Variants in CNBD1 observed in about 807,000 individuals in gnomAD.
CNBD1 encodes the protein cyclic nucleotide binding domain containing 1, also known as cyclic nucleotide-binding domain-containing protein 1.
CNBD1 carries 71 observed loss-of-function variants against 54.4 expected under a neutral mutation model. That is an observed-to-expected ratio of 1.30 (90% CI 1.08 to 1.59). CNBD1 has a LOEUF of 1.59. Among genes scored for constraint, CNBD1 ranks in the 40% most tolerant of loss-of-function variants. CNBD1 has a pLI of 0.00. For missense variants in CNBD1, 659 were observed against 518.0 expected (o/e 1.27, Z -2.64); for synonymous variants, 182 against 170.7 (o/e 1.07, Z -0.51).
At chr8:86,906,027 G>C (rs16894925) in intron 3 of CNBD1, among the ~76,000 whole-genome samples, 3,313 of 152,242 alleles carry the variant, frequency 0.022, 122 homozygotes, top group African/African-American at 0.076. Flanking sequence ...TATTTTGCTT[G>C]TGTGTTTGCT....
intron 4 of CNBD1, among the ~76,000 whole-genome samples, chr8:86,954,795 C>A (rs2130454973): frequency 6.6e-6 from 1 of 152,282 alleles, no homozygotes; most frequent in Non-Finnish European, 1.5e-5. Flanking sequence ...TGTCCCCAGG[C>A]CTTACCAAAC....
chr8:86,891,624 T>C (rs1167490868), intron 2 of CNBD1, among the ~76,000 whole-genome samples: 1 of 152,070 alleles, frequency 6.6e-6, no homozygotes, highest in African/African-American at 2.4e-5. Flanking sequence ...TTTGTGAAGA[T>C]GACATTGGAA....
chr8:86,916,165 C>T (rs1809181509), intron 3 of CNBD1, among the ~76,000 whole-genome samples: 1 of 152,066 alleles, frequency 6.6e-6, no homozygotes, highest in Non-Finnish European at 1.5e-5. Flanking sequence ...CTTGTCTCCT[C>T]AGGAGAGAGA....
At chr8:87,289,680 G>A (rs1389823551) in intron 8 of CNBD1, among the ~76,000 whole-genome samples, 1 of 152,116 alleles carries the variant, frequency 6.6e-6, no homozygotes, top group East Asian at 1.9e-4. Flanking sequence ...GATAAAGTAT[G>A]TGAAAATCAT....
intron 8 of CNBD1, among the ~76,000 whole-genome samples, chr8:87,307,303 G>A (rs569072714): frequency 2.0e-4 from 31 of 152,330 alleles, no homozygotes; most frequent in African/African-American, 7.0e-4. Context: ...TGACGTACAT[G>A]AGGATATTAA....
chr8:87,351,790 A>C lies in CNBD1; in HGVS notation c.1148A>C (p.Lys383Thr), dbSNP rs781251594. The change falls in exon 9 of 11, where the codon AAA becomes ACA. Residue 383 changes from lysine (K) to threonine (T), a missense_variant. Coordinates refer to ENST00000518476, the MANE Select transcript of CNBD1 (RefSeq NM_173538.3). ...GGATTTGTGAAACTACGATCAAATA[A>C]AGTGGTAAGTTTTCAACATGTATTC... ...IIGFVKLRSN[K>T]VKRSQKLVYM... is the part of the protein sequence containing the mutation. The C allele has an allele frequency of 1.3e-6, 2 of 1,488,414 alleles. No individual in the cohort carries two copies. The highest frequency in any genetic ancestry group is 1.4e-5 in the South Asian group (1 of 71,882). The allele number at this position is 1,488,414 out of a possible 1,614,324, so 92.2% of individuals were successfully genotyped here.
At chr8:87,353,523 A>C in intron 9 of CNBD1, 113 bp from the exon 10 acceptor site, 1 of 657,426 alleles carries the variant, frequency 1.5e-6, no homozygotes, top group South Asian at 2.5e-5. Context: ...TTGCTAATTT[A>C]TTTTAAATAT....
intron 10 of CNBD1, among the ~76,000 whole-genome samples, chr8:87,372,041 T>C (rs976919048): frequency 9.9e-5 from 15 of 152,076 alleles, no homozygotes; most frequent in African/African-American, 3.1e-4. Flanking sequence ...AAAGAGGAAG[T>C]CAAATTGTCC....
intron 2 of CNBD1, among the ~76,000 whole-genome samples, chr8:87,411,402 A>ATATATATATATATATATATG (rs1554588032): frequency 7.8e-6 from 1 of 127,694 alleles, no homozygotes; most frequent in Non-Finnish European, 1.6e-5. Context: ...TATATCATAT[A>ATATATATATATATATATATG]TATATATATA....
At chr8:86,962,292 C>CT (rs1807950858) in intron 4 of CNBD1, among the ~76,000 whole-genome samples, 2 of 152,118 alleles carry the variant, frequency 1.3e-5, no homozygotes, top group South Asian at 4.1e-4. Context: ...ACATACAGGC[C>CT]TTTTAAATAT....
chr8:87,427,204 A>G (rs185154074), intron 2 of CNBD1, among the ~76,000 whole-genome samples: 41 of 152,218 alleles, frequency 2.7e-4, no homozygotes, highest in African/African-American at 8.9e-4. Flanking sequence ...CTGCTACATT[A>G]TCTTGTATGT....
intron 4 of CNBD1, among the ~76,000 whole-genome samples, chr8:87,026,179 A>T (rs1809640824): frequency 6.6e-6 from 1 of 152,318 alleles, no homozygotes; most frequent in East Asian, 1.9e-4. Context: ...AAAGAGATCT[A>T]CCTATACTGT....
At chr8:86,969,789 T>TACAC (rs777810367) in intron 4 of CNBD1, among the ~76,000 whole-genome samples, 37 of 36,934 alleles carry the variant, frequency 1.0e-3, no homozygotes, top group African/African-American at 1.1e-3. Flanking sequence ...TTTATATATA[T>TACAC]ATATACACAC....
Position 87,289,785 on chromosome 8 carries a change from A to AT in CNBD1, c.1042+3120dup, listed in dbSNP as rs1201001045. 3.9e-5 allele frequency among the ~76,000 whole-genome samples: 6 copies of AT among 152,152 alleles called. No homozygotes were observed. In the South Asian group the frequency reaches 1.0e-3, roughly 26 times the overall value. ...AATACATAGGCTCTACATCCCTTCA[A>AT]TTTTTTGACATCAATCTCTTCCAGT... is the stretch of plus-strand genomic sequence containing the variant. On this transcript the variant is annotated intron_variant, in intron 8 of 10. Coordinates refer to ENST00000518476, the MANE Select transcript of CNBD1 (RefSeq NM_173538.3).
chr8:87,336,212 C>T (rs62526774), intron 8 of CNBD1, among the ~76,000 whole-genome samples: 6,662 of 152,120 alleles, frequency 0.044, 190 homozygotes, highest in Non-Finnish European at 0.06. Context: ...TAGTGGAGTT[C>T]TCTTTATTTC....
At chr8:87,027,505 C>T (rs558604982) in intron 4 of CNBD1, among the ~76,000 whole-genome samples, 77 of 152,242 alleles carry the variant, frequency 5.1e-4, no homozygotes, top group African/African-American at 1.1e-3. Context: ...CTATTGACCT[C>T]GTGAGCTGTC....
At chr8:87,276,590 A>C (rs1808484812) in intron 6 of CNBD1, among the ~76,000 whole-genome samples, 1 of 151,918 alleles carries the variant, frequency 6.6e-6, no homozygotes, top group African/African-American at 2.4e-5. Flanking sequence ...ATTGAATGTC[A>C]GTCTGCTTTA....
intron 4 of CNBD1, among the ~76,000 whole-genome samples, chr8:87,136,606 T>A (rs113151601): frequency 1.0e-4 from 5 of 48,180 alleles, no homozygotes; most frequent in Admixed American, 4.6e-4. Context: ...TATATTTATA[T>A]TATATATAAA....
At chr8:87,048,135 T>C (rs1423559771) in intron 4 of CNBD1, among the ~76,000 whole-genome samples, 1 of 151,720 alleles carries the variant, frequency 6.6e-6, no homozygotes, top group Non-Finnish European at 1.5e-5. Flanking sequence ...CAAATCGGGG[T>C]CTAGAGAAGG....
Sources: allele counts gnomAD v4.1 joint callset (sites outside exome capture counted in the v4.1 genomes callset), GRCh38; gene constraint gnomAD v4.1.1; transcripts MANE v1.5; gene names NCBI Gene and HGNC (gene_info 2026-07-23, HGNC 2026-07-21).